Variants in JAK2 observed in about 807,000 individuals in gnomAD.
The protein encoded by JAK2 is tyrosine-protein kinase JAK2.
JAK2 carries 86 observed loss-of-function variants against 139.3 expected under a neutral mutation model. The ratio of observed to expected loss-of-function variants is 0.62; its 90% confidence interval spans 0.52 to 0.74. The LOEUF is 0.74. Ranked by LOEUF, JAK2 falls within the 30% of genes least tolerant of loss-of-function variation. JAK2 has a pLI of 0.00. For missense variants in JAK2, 1,421 were observed against 1,360.3 expected (o/e 1.04, Z -0.70); for synonymous variants, 490 against 437.7 (o/e 1.12, Z -1.49).
rs1042447901 is a variant in JAK2 at position 4,988,208 on chromosome 9, T to C, written c.-26+2186T>C. On this transcript the variant is annotated intron_variant, in intron 2 of 24. Coordinates refer to ENST00000381652, the MANE Select transcript of JAK2 (RefSeq NM_004972.4). ...CCTCTTAGCTCCCAGTTTCCCAAAC[T>C]GTGTGCCAAGGTGCCCAGAGCACCT... Among the ~76,000 whole-genome samples the C allele has an allele frequency of 2.0e-5, 3 of 152,202 alleles. No individual in the cohort carries two copies. The East Asian group carries it at 5.8e-4, about 29-fold the overall frequency.
intron 5 of JAK2, among the ~76,000 whole-genome samples, chr9:5,046,275 GTTATA>G (rs1467862978): frequency 5.9e-5 from 9 of 152,134 alleles, no homozygotes; most frequent in African/African-American, 1.9e-4. Context: ...TTTGTTTGTT[GTTATA>G]TTATAGAAAT....
rs772215959 is a variant in JAK2 at position 5,090,719 on chromosome 9, G to C, written c.2887-20G>C. 2 of 1,569,812 alleles carry C rather than the reference G, an allele frequency of 1.3e-6. No homozygotes were observed. Among genetic ancestry groups the C allele is most frequent in the Non-Finnish European group, 1.7e-6 (2 of 1,164,596 alleles). Reference sequence around the variant, plus strand: ...TTTATATTTATAAAACTAGCTGAAAGAAAAATGTTTTATCCATAGGGTATG... The same window carrying C: ...TTTATATTTATAAAACTAGCTGAAACAAAAATGTTTTATCCATAGGGTATG... On this transcript the variant is annotated intron_variant, in intron 21 of 24. Coordinates refer to ENST00000381652, the MANE Select transcript of JAK2 (RefSeq NM_004972.4).
intron 2 of JAK2, among the ~76,000 whole-genome samples, chr9:5,009,806 T>C (rs1282387017): frequency 6.6e-6 from 1 of 152,076 alleles, no homozygotes; most frequent in Admixed American, 6.6e-5. Context: ...AGTCTTGCTC[T>C]GTTGCCCAGG....
At chr9:5,119,011 A>G (rs1209828339) in intron 22 of JAK2, among the ~76,000 whole-genome samples, 1 of 152,178 alleles carries the variant, frequency 6.6e-6, no homozygotes, top group Non-Finnish European at 1.5e-5. Context: ...TTAAACTAAT[A>G]CATTCAGAAA....
In JAK2 at chr9:5,127,738, A is replaced by AGAT. The variant is rs1484516979; in HGVS notation, c.*948_*950dup. ...TAAATTTAAGCTTAAGCCATAAAAT[A>AGAT]GATTAGATTGTTTTTTAAAAATGGA... is the stretch of plus-strand genomic sequence containing the variant. On this transcript the variant is annotated 3_prime_UTR_variant, in exon 25 of 25. Coordinates refer to ENST00000381652, the MANE Select transcript of JAK2 (RefSeq NM_004972.4). 1.3e-5 allele frequency: 3 copies of AGAT among 232,490 alleles called. No homozygotes were observed. Among genetic ancestry groups the AGAT allele is most frequent in the Non-Finnish European group, 2.6e-5 (3 of 117,234 alleles). 14.4% of individuals were successfully genotyped at this position (232,490 alleles called of 1,614,324 possible). A position where few individuals can be genotyped will look rare whatever the true frequency, so the allele number is the denominator to read the frequency against.
At chr9:5,033,935 C>T (rs564483306) in intron 4 of JAK2, among the ~76,000 whole-genome samples, 25 of 152,248 alleles carry the variant, frequency 1.6e-4, no homozygotes, top group African/African-American at 5.8e-4. Context: ...AATTAAAAGA[C>T]ACAGACTGGT....
chr9:5,092,679 G>A (rs1023257658), intron 22 of JAK2, among the ~76,000 whole-genome samples: 1 of 152,168 alleles, frequency 6.6e-6, no homozygotes, highest in Non-Finnish European at 1.5e-5. Context: ...TTTACACAGA[G>A]ATAGCCAAGT....
At chr9:5,041,793 A>G in intron 4 of JAK2, 1 of 486,688 alleles carries the variant, frequency 2.1e-6, no homozygotes, top group Non-Finnish European at 4.1e-6. Flanking sequence ...GCTTCGGGAC[A>G]AAGATCAGCC....
In JAK2 at chr9:5,054,749, A is replaced by T. The variant is rs1297483126; in HGVS notation, c.801A>T (p.Thr267=). ...AAACTCTGCAGTCTGCCTTCTACAC[A>T]GAGAAATTTGAAGTAAAAGAACCTG... ...NLETLQSAFY[T]EKFEVKEPGS... is the part of the protein sequence containing the mutation. The change falls in exon 7 of 25, where the codon ACA becomes ACT. Residue 267 remains threonine (T), a synonymous_variant. Coordinates refer to ENST00000381652, the MANE Select transcript of JAK2 (RefSeq NM_004972.4). The surrounding 1 kb of genome is among the most constrained non-coding windows in gnomAD (Gnocchi z 4.9). The T allele has an allele frequency of 6.2e-7, 1 of 1,613,370 alleles. No individual in the cohort carries two copies. The highest frequency in any genetic ancestry group is 1.7e-5 in the Admixed American group (1 of 59,948).
intron 3 of JAK2, among the ~76,000 whole-genome samples, chr9:5,026,100 C>G (rs901154417): frequency 6.6e-6 from 1 of 152,040 alleles, no homozygotes; most frequent in Non-Finnish European, 1.5e-5. Context: ...TTTATCATGT[C>G]CATCTCTAAC....
Position 5,054,854 on chromosome 9 carries a change from A to G in JAK2, c.906A>G (p.Lys302=). 1 of 1,607,798 alleles carries G rather than the reference A, an allele frequency of 6.2e-7. No individual in the cohort carries two copies. Among genetic ancestry groups the G allele is most frequent in the Non-Finnish European group, 8.5e-7 (1 of 1,177,542 alleles). The change falls in exon 7 of 25, where the codon AAA becomes AAG. Residue 302 remains lysine (K), a synonymous_variant. Transcript: ENST00000381652. This position sits in a 1 kb window ranked among gnomAD's most constrained non-coding sequence, Gnocchi z 4.9. ...GTGGAATTCAGTGGTCAAGAGGGAA[A>G]CATAAAGAAAGTGAGACACTGACAG... The part of the protein sequence containing the change: ...GNGGIQWSRG[K]HKESETLTEQ...
At position 5,080,743 on chromosome 9, in the gene JAK2, A is replaced by C. The variant is rs1473913088; in HGVS notation, c.2434+60A>C. ...TTTCTATCTTTATTGTATTTAATGA[A>C]TCATTACTAATTTTTAATTCCTTTA... On this transcript the variant is annotated intron_variant, in intron 18 of 24. Coordinates refer to ENST00000381652, the MANE Select transcript of JAK2 (RefSeq NM_004972.4). The C allele has an allele frequency of 4.0e-6, 5 of 1,262,548 alleles. No individual in the cohort carries two copies. The East Asian group carries it at 1.0e-4, about 26-fold the overall frequency. The allele number at this position is 1,262,548 out of a possible 1,614,324, so 78.2% of individuals were successfully genotyped here. A position where few individuals can be genotyped will look rare whatever the true frequency, so the allele number is the denominator to read the frequency against.
intron 22 of JAK2, among the ~76,000 whole-genome samples, chr9:5,092,778 T>G (rs1447854783): frequency 6.6e-6 from 1 of 152,204 alleles, no homozygotes; most frequent in Non-Finnish European, 1.5e-5. Flanking sequence ...TGAGTAGTGG[T>G]GATAAGCCTA....
intron 2 of JAK2, among the ~76,000 whole-genome samples, chr9:5,004,366 G>C (rs1008642554): frequency 3.3e-5 from 5 of 152,032 alleles, no homozygotes; most frequent in Non-Finnish European, 4.4e-5. Flanking sequence ...AGATTCTATG[G>C]ATCAGTGAGA....
intron 4 of JAK2, among the ~76,000 whole-genome samples, chr9:5,035,511 A>T (rs1202389321): frequency 6.6e-6 from 1 of 152,368 alleles, no homozygotes; most frequent in Admixed American, 6.5e-5. Flanking sequence ...CGAATCCAGC[A>T]GCACATCAAA....
chr9:5,120,247 G>A (rs1444484465), intron 22 of JAK2, among the ~76,000 whole-genome samples: 1 of 152,190 alleles, frequency 6.6e-6, no homozygotes, highest in African/African-American at 2.4e-5. Context: ...TCTCATAAGG[G>A]CCTTAATCCT....
intron 4 of JAK2, chr9:5,041,517 A>C: frequency 1.8e-6 from 1 of 555,824 alleles, no homozygotes; most frequent in South Asian, 1.5e-5. Flanking sequence ...ATAGCGCGCC[A>C]CGCCCATCGA....
intron 2 of JAK2, among the ~76,000 whole-genome samples, chr9:5,014,873 G>T (rs1323334427): frequency 6.6e-6 from 1 of 151,890 alleles, no homozygotes; most frequent in Non-Finnish European, 1.5e-5. Flanking sequence ...CTATCTTGCA[G>T]AAGTAACCAT....
intron 4 of JAK2, among the ~76,000 whole-genome samples, chr9:5,036,263 G>A (rs1014134616): frequency 2.6e-5 from 4 of 152,142 alleles, no homozygotes; most frequent in African/African-American, 9.7e-5. Context: ...CATGCTCATG[G>A]GTAGGAAGAA....
Sources: gnomAD v4.1 joint callset for allele counts (sites outside exome capture counted in the v4.1 genomes callset) on GRCh38, gnomAD v4.1.1 for gene constraint, Gnocchi (gnomAD v3.1) non-coding constraint, MANE v1.5 for transcripts, NCBI Gene and HGNC (gene_info 2026-07-23, HGNC 2026-07-21) for gene names.